SFMBT2: variants seen among roughly 807,000 people sequenced by gnomAD.
SFMBT2 encodes the protein Scm like with four mbt domains 2, also known as scm-like with four MBT domains protein 2.
In SFMBT2, 38 loss-of-function variants were observed where a neutral mutation model predicts 110.1. The observed-to-expected ratio is 0.35, with a 90% confidence interval of 0.27 to 0.45. The LOEUF is 0.45. Ranked by LOEUF, SFMBT2 falls within the 20% of genes least tolerant of loss-of-function variation. The pLI is 1.00. For missense variants in SFMBT2, 1,011 were observed against 1,094.9 expected (o/e 0.92, Z 1.08); for synonymous variants, 425 against 425.4 (o/e 1.00, Z 0.01).
intron 16 of SFMBT2, among the ~76,000 whole-genome samples, chr10:7,184,836 G>C (rs1838347378): frequency 6.6e-6 from 1 of 152,146 alleles, no homozygotes; most frequent in Admixed American, 6.5e-5. Context: ...AAAGAGGAAG[G>C]AAATGGTGAC....
rs753073529 is a variant in SFMBT2 at position 7,283,842 on chromosome 10, T to A, written c.772+62A>T. ...AGCTCATACATTTTCTAGAAACACA[T>A]CCAGGAAAATATCACATCTTTTTCT... On this transcript the variant is annotated intron_variant, in intron 6 of 20. Coordinates refer to ENST00000397167, the MANE Select transcript of SFMBT2 (RefSeq NM_001387889.1). The A allele has an allele frequency of 6.2e-5, 69 of 1,115,222 alleles. 1 individual carries two copies. Among genetic ancestry groups the A allele is most frequent in the Non-Finnish European group, 9.3e-5 (69 of 743,048 alleles). 69.1% of individuals were successfully genotyped at this position (1,115,222 alleles called of 1,614,324 possible).
intron 9 of SFMBT2, among the ~76,000 whole-genome samples, chr10:7,232,330 G>T (rs1046821552): frequency 6.6e-6 from 1 of 151,834 alleles, no homozygotes; most frequent in Non-Finnish European, 1.5e-5. Context: ...ACCCTTTGAC[G>T]CAACCATTTC....
Position 7,381,855 on chromosome 10 carries a change from G to A in SFMBT2, c.44C>T (p.Ser15Phe). Residue 15 changes from serine (S) to phenylalanine (F), a missense_variant, in exon 2 of 21, where the codon TCT becomes TTT. Around this residue, in one of 2 missense-constraint regions of SFMBT2, gnomAD observed 979 missense variants for 1,016.1 expected, o/e 0.96. Transcript: ENST00000397167. ...LSASNMQDPSSSPLEKCLGSA... is the reference protein window; with the variant it reads ...LSASNMQDPSFSPLEKCLGSA... ...GCCGAGACACTTTTCCAAGGGTGAA[G>A]ATGAAGGGTCTTGCATATTGGAAGC... is the stretch of plus-strand genomic sequence containing the variant. 1 of 1,613,494 alleles carries A rather than the reference G, an allele frequency of 6.2e-7. No individual in the cohort carries two copies. The highest frequency in any genetic ancestry group is 8.5e-7 in the Non-Finnish European group (1 of 1,179,724).
At chr10:7,250,444 T>G (rs1283348948) in intron 7 of SFMBT2, among the ~76,000 whole-genome samples, 1 of 152,218 alleles carries the variant, frequency 6.6e-6, no homozygotes, top group Non-Finnish European at 1.5e-5. Context: ...CTATGCAATA[T>G]TCCATGGTAT....
intron 4 of SFMBT2, among the ~76,000 whole-genome samples, chr10:7,345,168 G>C (rs927752053): frequency 1.8e-4 from 27 of 151,844 alleles, no homozygotes; most frequent in African/African-American, 6.5e-4. Flanking sequence ...GGCTTCCCTG[G>C]GGTCTGCAAG....
chr10:7,223,400 T>A (rs887137385), intron 10 of SFMBT2, among the ~76,000 whole-genome samples: 3 of 152,138 alleles, frequency 2.0e-5, no homozygotes, highest in South Asian at 4.1e-4. Flanking sequence ...GCTGAGCATG[T>A]TTTTTTGTGA....
chr10:7,406,302 A>G (rs1338876807), intron 1 of SFMBT2, among the ~76,000 whole-genome samples: 10 of 152,166 alleles, frequency 6.6e-5, no homozygotes, highest in East Asian at 1.9e-4. Context: ...ATTTTTAGGC[A>G]TAAGTGTAGG....
chr10:7,284,344 TACC>T, intron 5 of SFMBT2, 194 bp from the exon 6 acceptor site: 1 of 1,373,040 alleles, frequency 7.3e-7, no homozygotes, highest in Non-Finnish European at 9.4e-7. Flanking sequence ...CACATCCATG[TACC>T]CCATTCCGTA....
At chr10:7,178,557 C>A (rs756303630) in intron 16 of SFMBT2, among the ~76,000 whole-genome samples, 2 of 152,050 alleles carry the variant, frequency 1.3e-5, no homozygotes, top group Non-Finnish European at 2.9e-5. Flanking sequence ...AAGCTCCTCG[C>A]ATCCCTCCCC....
At chr10:7,188,321 C>T (rs1838487483) in intron 16 of SFMBT2, among the ~76,000 whole-genome samples, 1 of 152,090 alleles carries the variant, frequency 6.6e-6, no homozygotes, top group African/African-American at 2.4e-5. Context: ...TACAATTTTC[C>T]CCCTTTTGCT....
At chr10:7,339,814 C>T (rs1047352067) in intron 4 of SFMBT2, among the ~76,000 whole-genome samples, 1 of 152,182 alleles carries the variant, frequency 6.6e-6, no homozygotes, top group Non-Finnish European at 1.5e-5. Flanking sequence ...AAGAAATAAG[C>T]CTTTGAGAAT....
In SFMBT2 at chr10:7,171,646, CCAG is replaced by C; in HGVS notation, c.2415+246_2415+248del. ...ACTGTGCCCTCCTCCTGACAAGAAC[CCAG>C]GTGGCACTAAAGCCGTCCAGGAAAG... On this transcript the variant is annotated intron_variant, in intron 19 of 20. Coordinates refer to ENST00000397167, the MANE Select transcript of SFMBT2 (RefSeq NM_001387889.1). This position sits in a 1 kb window ranked among gnomAD's most constrained non-coding sequence, Gnocchi z 4.9. 1 of 898,720 alleles carries C rather than the reference CCAG, an allele frequency of 1.1e-6. No homozygotes were observed. The highest frequency in any genetic ancestry group is 1.3e-6 in the Non-Finnish European group (1 of 751,006). 55.7% of individuals were successfully genotyped at this position (898,720 alleles called of 1,614,324 possible). A position where few individuals can be genotyped will look rare whatever the true frequency, so the allele number is the denominator to read the frequency against.
At chr10:7,354,921 G>A (rs554368940) in intron 4 of SFMBT2, among the ~76,000 whole-genome samples, 1 of 152,300 alleles carries the variant, frequency 6.6e-6, no homozygotes, top group East Asian at 1.9e-4. Context: ...GGCCAGCAAT[G>A]TTTGGATGAG....
At chr10:7,215,646 G>A (rs779744939) in intron 11 of SFMBT2, 13 of 985,436 alleles carry the variant, frequency 1.3e-5, no homozygotes, top group Non-Finnish European at 1.6e-5. Context: ...GGGCCCCGCA[G>A]AGGCAGCACA....
intron 6 of SFMBT2, among the ~76,000 whole-genome samples, chr10:7,281,007 G>A (rs1841937151): frequency 6.6e-6 from 1 of 152,216 alleles, no homozygotes; most frequent in African/African-American, 2.4e-5. Flanking sequence ...TTGGAAGGCT[G>A]AGGTGGGCAG....
chr10:7,370,489 T>C, intron 2 of SFMBT2, 114 bp from the exon 3 acceptor site: 3 of 879,940 alleles, frequency 3.4e-6, no homozygotes, highest in Non-Finnish European at 5.4e-6. Context: ...ATTCCACAGT[T>C]CAGAAGGATA....
chr10:7,328,941 G>A (rs2131953873), intron 4 of SFMBT2, among the ~76,000 whole-genome samples: 1 of 152,336 alleles, frequency 6.6e-6, no homozygotes, highest in East Asian at 1.9e-4. Flanking sequence ...GGCATTACTT[G>A]TGAGATCCAA....
intron 6 of SFMBT2, 64 bp downstream of exon 6, chr10:7,283,840 C>A (rs1796690288): frequency 2.8e-6 from 3 of 1,086,618 alleles, no homozygotes; most frequent in Non-Finnish European, 4.2e-6. Context: ...TCTAGAAACA[C>A]ATCCAGGAAA....
rs1193571960 is a variant in SFMBT2, at chr10:7,301,518, C to T, written c.437-15564G>A. 6.6e-6 allele frequency among the ~76,000 whole-genome samples: 1 copy of T among 152,296 alleles called. No individual in the cohort carries two copies. Among genetic ancestry groups the T allele is most frequent in the Admixed American group, 6.5e-5 (1 of 15,302 alleles). ...GGGCTGTATCTGCACACTCAGCCAT[C>T]GGCAGTTAGTGGCACACTTTCCACT... On this transcript the variant is annotated intron_variant, in intron 4 of 20. Transcript: ENST00000397167. The surrounding 1 kb of genome is among the most constrained non-coding windows in gnomAD (Gnocchi z 4.2).
Sources: gnomAD v4.1 joint callset for allele counts (sites outside exome capture counted in the v4.1 genomes callset) on GRCh38, gnomAD v4.1.1 for gene constraint, gnomAD v4.1.1 regional missense constraint, Gnocchi (gnomAD v3.1) non-coding constraint, MANE v1.5 for transcripts, NCBI Gene and HGNC (gene_info 2026-07-23, HGNC 2026-07-21) for gene names.